KCNN2: variants seen among roughly 807,000 people sequenced by gnomAD.
KCNN2 encodes the protein small conductance calcium-activated potassium channel protein 2.
Under a neutral mutation model 55.5 loss-of-function variants are expected in KCNN2, and 24 were observed. The ratio of observed to expected loss-of-function variants is 0.43; its 90% CI spans 0.31 to 0.61. The LOEUF is 0.61. Among genes scored for constraint, KCNN2 ranks in the 20% least tolerant of loss-of-function variants. The pLI, the probability that KCNN2 is intolerant of heterozygous loss-of-function variation, is 0.08. For synonymous variants in KCNN2, 431 were observed against 336.1 expected (o/e 1.28, Z -3.09); for missense variants, 754 against 853.6 (o/e 0.88, Z 1.45).
intron 2 of KCNN2, among the ~76,000 whole-genome samples, chr5:114,244,458 G>A (rs969804339): frequency 5.9e-5 from 9 of 152,048 alleles, no homozygotes; most frequent in East Asian, 1.9e-4. Flanking sequence ...ATAGCCGGGC[G>A]TGGTGGCGGG....
chr5:114,211,789 G>T (rs906844274), intron 1 of KCNN2, among the ~76,000 whole-genome samples: 1 of 151,958 alleles, frequency 6.6e-6, no homozygotes, highest in African/African-American at 2.4e-5. Context: ...GAAAAAGGTT[G>T]CATATACCTT....
chr5:114,232,705 A>G (rs936762552), intron 2 of KCNN2, among the ~76,000 whole-genome samples: 1 of 150,818 alleles, frequency 6.6e-6, no homozygotes, highest in African/African-American at 2.5e-5. Flanking sequence ...ATTGTTCTTT[A>G]ACTTTGCGGT....
At chr5:114,273,772 C>A (rs1219729645) in intron 2 of KCNN2, among the ~76,000 whole-genome samples, 1 of 152,138 alleles carries the variant, frequency 6.6e-6, no homozygotes, top group Non-Finnish European at 1.5e-5. Context: ...GGATAGATTG[C>A]AAAAATTTTC....
intron 5 of KCNN2, among the ~76,000 whole-genome samples, chr5:114,476,721 G>A (rs966293814): frequency 7.9e-5 from 12 of 151,970 alleles, no homozygotes; most frequent in Admixed American, 1.3e-4. Flanking sequence ...GCACCTGGCC[G>A]ACAGATCCAT....
At chr5:114,447,520 C>G (rs1580847117) in intron 3 of KCNN2, among the ~76,000 whole-genome samples, 1 of 152,206 alleles carries the variant, frequency 6.6e-6, no homozygotes, top group Non-Finnish European at 1.5e-5. Flanking sequence ...AAACATTTTG[C>G]ACAACTGAGC....
At chr5:114,493,347 C>T (rs1203994420) in intron 6 of KCNN2, 56 bp from the exon 7 acceptor site, 2 of 1,033,304 alleles carry the variant, frequency 1.9e-6, no homozygotes, top group South Asian at 2.5e-5. Flanking sequence ...CTTTGGAAGG[C>T]ATAAGATTGC....
intron 2 of KCNN2, among the ~76,000 whole-genome samples, chr5:114,369,850 G>C (rs1388213806): frequency 6.6e-6 from 1 of 152,082 alleles, no homozygotes; most frequent in Admixed American, 6.6e-5. Flanking sequence ...GGGTTTTCTA[G>C]AGTATCCAAC....
intron 2 of KCNN2, among the ~76,000 whole-genome samples, chr5:114,316,475 T>C (rs888373783): frequency 6.6e-6 from 1 of 152,022 alleles, no homozygotes; most frequent in Non-Finnish European, 1.5e-5. Context: ...TCAAAGAAGT[T>C]AGGTATTGTA....
Position 114,362,992 on chromosome 5 carries a change from C to G in KCNN2, c.853C>G (p.His285Asp). 1 of 1,593,454 alleles carries G rather than the reference C, an allele frequency of 6.3e-7. No homozygotes were observed. Among genetic ancestry groups the G allele is most frequent in the East Asian group, 2.3e-5 (1 of 44,144 alleles). ...APEIVVSKPE[H>D]NNSNNLALYG... ...CGAGATCGTGGTGTCTAAGCCCGAG[C>G]ACAACAACTCCAACAACCTGGCGCT... The change falls in exon 1 of 8, where the codon CAC (histidine) becomes GAC (aspartate). Residue 285 changes from histidine (H) to aspartate (D), a missense_variant. His to Asp is a moderately conservative substitution (Grantham distance 81). Coordinates refer to ENST00000673685, the MANE Select transcript of KCNN2 (RefSeq NM_021614.4).
At chr5:114,239,365 GA>G (rs1332877364) in intron 2 of KCNN2, among the ~76,000 whole-genome samples, 2 of 152,160 alleles carry the variant, frequency 1.3e-5, no homozygotes, top group African/African-American at 4.8e-5. Flanking sequence ...AGAGGACAGA[GA>G]GGAGATGCTT....
intron 1 of KCNN2, among the ~76,000 whole-genome samples, chr5:114,168,832 C>G (rs1752972752): frequency 6.6e-6 from 1 of 152,086 alleles, no homozygotes; most frequent in African/African-American, 2.4e-5. Flanking sequence ...TCCTCATTCA[C>G]AAAAAGATTC....
intron 2 of KCNN2, among the ~76,000 whole-genome samples, chr5:114,222,325 G>T (rs1368139601): frequency 6.6e-6 from 1 of 152,144 alleles, no homozygotes; most frequent in Non-Finnish European, 1.5e-5. Context: ...CCATACCAAA[G>T]GCAGCCTCAA....
chr5:114,474,009 T>C (rs1761864102), intron 5 of KCNN2, among the ~76,000 whole-genome samples: 1 of 152,206 alleles, frequency 6.6e-6, no homozygotes, highest in Non-Finnish European at 1.5e-5. Context: ...AGTAGAGTCA[T>C]CTTGCTGTGT....
At chr5:114,230,167 G>C (rs556763449) in intron 2 of KCNN2, among the ~76,000 whole-genome samples, 1 of 151,998 alleles carries the variant, frequency 6.6e-6, no homozygotes, top group South Asian at 2.1e-4. Context: ...GATTATAAAG[G>C]ATAAGTTTAG....
At chr5:114,249,340 T>A (rs1249121519) in intron 2 of KCNN2, among the ~76,000 whole-genome samples, 1 of 150,718 alleles carries the variant, frequency 6.6e-6, no homozygotes, top group Non-Finnish European at 1.5e-5. Context: ...CTGGGTGGAG[T>A]GCAGTTGTGT....
At chr5:114,224,780 A>G (rs1754208556) in intron 2 of KCNN2, among the ~76,000 whole-genome samples, 1 of 152,206 alleles carries the variant, frequency 6.6e-6, no homozygotes, top group African/African-American at 2.4e-5. Context: ...ACAGCTTGCC[A>G]TCAAGATAAA....
chr5:114,281,617 C>T (rs2150013087), intron 2 of KCNN2, among the ~76,000 whole-genome samples: 1 of 115,320 alleles, frequency 8.7e-6, no homozygotes, highest in East Asian at 3.1e-4. Flanking sequence ...CTCCCCGCCC[C>T]TCCATCTCTG....
In KCNN2 at chr5:114,472,367, A is replaced by C. The variant is rs562998453; in HGVS notation, c.1780-687A>C. ...AGATCAGAACAATGGTCTGTAATTC[A>C]AAAAGGAACACTGTTGGTTTTTTCA... On this transcript the variant is annotated intron_variant, in intron 4 of 7. Transcript: ENST00000673685. Among the ~76,000 whole-genome samples, 3 of 152,338 alleles carry C rather than the reference A, an allele frequency of 2.0e-5. No homozygotes were observed. The South Asian group carries it at 6.2e-4, about 32-fold the overall frequency.
intron 2 of KCNN2, among the ~76,000 whole-genome samples, chr5:114,275,928 C>T (rs4400118): frequency 0.63 from 95,859 of 151,850 alleles, 31,098 homozygotes; most frequent in East Asian, 0.93. Flanking sequence ...GTTAGGGTGT[C>T]GATTTTTGAT....
Sources: gnomAD v4.1 joint callset for allele counts (sites outside exome capture counted in the v4.1 genomes callset) on GRCh38, gnomAD v4.1.1 for gene constraint, MANE v1.5 for transcripts, NCBI Gene and HGNC (gene_info 2026-07-23, HGNC 2026-07-21) for gene names.